Variants in IZUMO4 observed in about 807,000 individuals in gnomAD.
The protein encoded by IZUMO4 is izumo sperm-egg fusion protein 4.
IZUMO4 carries 51 observed loss-of-function variants against 37.1 expected under a neutral mutation model. That is an observed-to-expected ratio of 1.38 (90% CI 1.10 to 1.74). The LOEUF (loss-of-function observed/expected upper bound fraction) is 1.74. IZUMO4 is among the 40% of genes most tolerant of loss of function. The probability of loss-of-function intolerance (pLI) is 0.00; values close to 1 mark genes in which losing one functional copy is unlikely to be tolerated. For missense variants in IZUMO4, 364 were observed against 299.6 expected, an observed-to-expected ratio of 1.21 and a Z score of -1.59; for synonymous variants, 162 against 121.4, an observed-to-expected ratio of 1.33 and a Z score of -2.20.
intron 3 of IZUMO4, chr19:2,097,723 C>T (rs778440590): frequency 4.3e-6 from 3 of 703,632 alleles, no homozygotes; most frequent in Non-Finnish European, 7.2e-6. Context: ...GTTGCCACCG[C>T]CCTCCCCTGA....
In IZUMO4 at chr19:2,099,378, G is replaced by C. The variant is rs866105831; in HGVS notation, c.*33G>C. ...TGGGCCTGCCCCAGGGCAACGTGGG[G>C]GCGGAGACTCAGCTGGACAGCCCCT... On this transcript the variant is annotated 3_prime_UTR_variant, in exon 10 of 10. Coordinates refer to ENST00000395301, the MANE Select transcript of IZUMO4 (RefSeq NM_001039846.2). The C allele has an allele frequency of 6.7e-7, 1 of 1,488,222 alleles. No individual in the cohort carries two copies. Among genetic ancestry groups the C allele is most frequent in the African/African-American group, 1.4e-5 (1 of 72,136 alleles). 92.2% of individuals were successfully genotyped at this position (1,488,222 alleles called of 1,614,324 possible). A position where few individuals can be genotyped will look rare whatever the true frequency, so the allele number is the denominator to read the frequency against.
At position 2,097,970 on chromosome 19, in the gene IZUMO4, G is replaced by A. The variant is rs776207764; in HGVS notation, c.397+15G>A. 6.9e-5 allele frequency: 111 copies of A among 1,613,128 alleles called. 1 individual carries two copies. Among genetic ancestry groups the A allele is most frequent in the South Asian group, 6.1e-4 (56 of 91,084 alleles). On this transcript the variant is annotated intron_variant, in intron 4 of 9. Transcript: ENST00000395301. ...GCACCGCTGTGGTAAGCAAGGCTCCGTCCAGGCTGAGGGGCGTGCCGGTGG... is the reference window on the plus strand; with the variant it reads ...GCACCGCTGTGGTAAGCAAGGCTCCATCCAGGCTGAGGGGCGTGCCGGTGG...
chr19:2,098,192 C>A, intron 5 of IZUMO4, 65 bp downstream of exon 5: 1 of 1,611,266 alleles, frequency 6.2e-7, no homozygotes, highest in Non-Finnish European at 8.5e-7. Flanking sequence ...CCAGGCTCTC[C>A]TTGGAGGGGG....
At chr19:2,097,735 G>C (rs1427550154) in intron 3 of IZUMO4, 194 bp from the exon 4 acceptor site, 1 of 732,762 alleles carries the variant, frequency 1.4e-6, no homozygotes, top group Non-Finnish European at 2.3e-6. Context: ...CTCCCCTGAA[G>C]TTTGCTCCAT....
chr19:2,098,860 G>C, intron 8 of IZUMO4, 56 bp downstream of exon 8: 1 of 1,566,450 alleles, frequency 6.4e-7, no homozygotes, highest in East Asian at 2.2e-5. Context: ...GAGAGGAGGG[G>C]GGCTAGGGGG....
rs529829751 is a variant in IZUMO4 at position 2,098,859 on chromosome 19, G to A, written c.554+55G>A. 1.4e-3 allele frequency: 2,122 copies of A among 1,562,706 alleles called. 7 individuals are homozygous for A. Among genetic ancestry groups the A allele is most frequent in the Non-Finnish European group, 1.7e-3 (1,982 of 1,148,054 alleles). ...GGAGGGGGTAAAGGGAGAGAGGAGG[G>A]GGGCTAGGGGGTCCTCTAGATCAGT... On this transcript the variant is annotated intron_variant, in intron 8 of 9. Coordinates refer to ENST00000395301, the MANE Select transcript of IZUMO4 (RefSeq NM_001039846.2).
In IZUMO4 at chr19:2,098,305, G is replaced by T. The variant is rs1293915936; in HGVS notation, c.492G>T (p.Lys164Asn). The T allele has an allele frequency of 6.2e-7, 1 of 1,613,836 alleles. No homozygotes were observed. The highest frequency in any genetic ancestry group is 1.3e-5 in the African/African-American group (1 of 74,946). The part of the protein sequence containing the change: ...GYNCESSAQW[K>N]SAVQGLLNYI... The stretch of plus-strand genomic sequence containing the variant: ...CCCACAGGTCCTCGGCGCAGTGGAA[G>T]TCAGCTGTCCAGGGCCTCCTGAACT... Residue 164 changes from lysine to asparagine, a missense_variant, in exon 6 of 10, where the codon AAG (lysine) becomes AAT (asparagine). Physicochemically the swap from Lys to Asn is moderately conservative, Grantham distance 94. Coordinates refer to ENST00000395301, the MANE Select transcript of IZUMO4 (RefSeq NM_001039846.2).
Position 2,099,422 on chromosome 19 carries a change from G to A in IZUMO4, c.*77G>A. Reference sequence around the variant, plus strand: ...AGCCCCTGCCTGTCACTCTGGAGCTGGGCTGCTGCTGCCTCAGGACCCCCT... The same window carrying A: ...AGCCCCTGCCTGTCACTCTGGAGCTAGGCTGCTGCTGCCTCAGGACCCCCT... On this transcript the variant is annotated 3_prime_UTR_variant, in exon 10 of 10. Coordinates refer to ENST00000395301, the MANE Select transcript of IZUMO4 (RefSeq NM_001039846.2). 9.0e-7 allele frequency: 1 copy of A among 1,108,888 alleles called. No individual in the cohort carries two copies. The highest frequency in any genetic ancestry group is 1.3e-6 in the Non-Finnish European group (1 of 748,098). 68.7% of individuals were successfully genotyped at this position (1,108,888 alleles called of 1,614,324 possible).
Position 2,097,450 on chromosome 19 carries a change from A to T in IZUMO4, c.325A>T (p.Ile109Phe). 2 of 1,612,832 alleles carry T rather than the reference A, an allele frequency of 1.2e-6. No homozygotes were observed. The highest frequency in any genetic ancestry group is 1.7e-6 in the Non-Finnish European group (2 of 1,179,866). ...PGYFPNELRN[I>F]FREQVHLIQN... ...GTATTTCCCCAACGAGCTGCGAAAC[A>T]TCTTCCGGGAGCAGGTGCACCTCAT... Residue 109 changes from isoleucine to phenylalanine, a missense_variant, in exon 3 of 10, where the codon ATC becomes TTC. By Grantham distance (21) the Ile-to-Phe change is conservative (BLOSUM62 0). Transcript: ENST00000395301.
In IZUMO4 at chr19:2,097,394, G is replaced by C. The variant is rs563608791; in HGVS notation, c.299-30G>C. 15 of 1,596,716 alleles carry C rather than the reference G, an allele frequency of 9.4e-6. No homozygotes were observed. The South Asian group carries it at 1.4e-4, about 15-fold the overall frequency. ...CCGGGACACCCCGCCCACCGCCTGA[G>C]CCTGACCTTCTCCTGCCTCGACGAC... is the stretch of plus-strand genomic sequence containing the variant. On this transcript the variant is annotated intron_variant, in intron 2 of 9. Coordinates refer to ENST00000395301, the MANE Select transcript of IZUMO4 (RefSeq NM_001039846.2).
At position 2,097,254 on chromosome 19, in the gene IZUMO4, C is replaced by T. The variant is rs1184946838; in HGVS notation, c.220C>T (p.Arg74Trp). 1.9e-6 allele frequency: 3 copies of T among 1,611,980 alleles called. No homozygotes were observed. The highest frequency in any genetic ancestry group is 2.7e-5 in the African/African-American group (2 of 74,898). The change falls in exon 2 of 10, where the codon CGG (arginine) becomes TGG (tryptophan). Residue 74 changes from arginine (R) to tryptophan (W), a missense_variant and splice_region_variant. Physicochemically the swap from Arg to Trp is moderately radical, Grantham distance 101. Transcript: ENST00000395301. Reference sequence around the variant, plus strand: ...CTGGCTTCTCCTCCTGCCCGCAGCCCGGGAGAAGCTGGACCAAGTGGCGAC... The same window carrying T: ...CTGGCTTCTCCTCCTGCCCGCAGCCTGGGAGAAGCTGGACCAAGTGGCGAC... Reference protein sequence around the residue: ...LHLAIPAKITREKLDQVATAV... With the variant: ...LHLAIPAKITWEKLDQVATAV...
At chr19:2,098,381 G>C (rs1427166981) in intron 6 of IZUMO4, 47 bp downstream of exon 6, 2 of 1,613,808 alleles carry the variant, frequency 1.2e-6, no homozygotes, top group African/African-American at 2.7e-5. Flanking sequence ...GGCCTGGGAG[G>C]GAACACTGGC....
At chr19:2,098,016 T>C (rs7253456) in intron 4 of IZUMO4, 36 bp from the exon 5 acceptor site, 293,882 of 1,613,012 alleles carry the variant, frequency 0.18, 29,032 homozygotes, top group South Asian at 0.31. Context: ...CCCTGGAGGC[T>C]GAGGGGAGCC....
chr19:2,099,317 ATGC>A lies in IZUMO4; in HGVS notation c.677_679del (p.Ala226del). The A allele has an allele frequency of 5.0e-6, 8 of 1,613,350 alleles. No individual in the cohort carries two copies. The highest frequency in any genetic ancestry group is 6.8e-6 in the Non-Finnish European group (8 of 1,179,908). ...CACTTGGCCAACCTGACCTTGGAAG[ATGC>A]TGCTGAGTGTCTCAAGCAGCACTGA... On this transcript the variant is annotated inframe_deletion, in exon 10 of 10. Coordinates refer to ENST00000395301, the MANE Select transcript of IZUMO4 (RefSeq NM_001039846.2).
In IZUMO4 at chr19:2,097,034, C is replaced by G. The variant is rs1568261355; in HGVS notation, c.89C>G (p.Ser30Cys). Residue 30 changes from serine to cysteine, a missense_variant, in exon 1 of 10, where the codon TCC becomes TGC. By Grantham distance (112) the Ser-to-Cys change is moderately radical (BLOSUM62 -1). Coordinates refer to ENST00000395301, the MANE Select transcript of IZUMO4 (RefSeq NM_001039846.2). ...HCHSNFSKKFSFYRHHVNFKS... is the reference protein window; with the variant it reads ...HCHSNFSKKFCFYRHHVNFKS... ...CACAGCAACTTCTCCAAGAAGTTCT[C>G]CTTCTACCGCCACCATGTGAACTTC... The G allele has an allele frequency of 6.2e-7, 1 of 1,612,498 alleles. No individual in the cohort carries two copies. Among genetic ancestry groups the G allele is most frequent in the Non-Finnish European group, 8.5e-7 (1 of 1,179,880 alleles).
intron 8 of IZUMO4, 64 bp downstream of exon 8, chr19:2,098,868 G>C: frequency 6.3e-7 from 1 of 1,576,690 alleles, no homozygotes; most frequent in South Asian, 1.1e-5. Flanking sequence ...GGGGGCTAGG[G>C]GGTCCTCTAG....
intron 8 of IZUMO4, 77 bp from the exon 9 acceptor site, chr19:2,098,899 T>TG: frequency 1.5e-5 from 23 of 1,581,184 alleles, no homozygotes; most frequent in Non-Finnish European, 1.8e-5. Flanking sequence ...GCACTGCAGG[T>TG]GGGGCTCTCC....
chr19:2,097,172 G>A lies in IZUMO4; in HGVS notation c.217+10G>A, dbSNP rs377374740. The A allele has an allele frequency of 1.1e-5, 18 of 1,607,888 alleles. No individual in the cohort carries two copies. The African/African-American group carries it at 2.0e-4, about 18-fold the overall frequency. On this transcript the variant is annotated intron_variant, in intron 1 of 9. Coordinates refer to ENST00000395301, the MANE Select transcript of IZUMO4 (RefSeq NM_001039846.2). The stretch of plus-strand genomic sequence containing the variant: ...ATCCCCGCCAAGATCAGTGAGTGCC[G>A]GAGCCCAGCCCAGTCCCGACTACCC...
Position 2,098,806 on chromosome 19 carries a change from T to C in IZUMO4, c.554+2T>C, listed in dbSNP as rs1319949395. 1.3e-6 allele frequency: 2 copies of C among 1,591,314 alleles called. No homozygotes were observed. Among genetic ancestry groups the C allele is most frequent in the Admixed American group, 1.7e-5 (1 of 57,228 alleles). On this transcript the variant is annotated splice_donor_variant, in intron 8 of 9. Transcript: ENST00000395301. LOFTEE classifies it high-confidence loss of function. ...TTTCAGACAGGACACGAGCATGAGG[T>C]AAGGCCGCCCTGACCTGGACTTCAG...
Sources: allele counts gnomAD v4.1 joint callset, GRCh38; gene constraint gnomAD v4.1.1; transcripts MANE v1.5; gene names NCBI Gene and HGNC (gene_info 2026-07-23, HGNC 2026-07-21).